COPG2: variants seen among roughly 807,000 people sequenced by gnomAD.
The protein encoded by COPG2 is coatomer subunit gamma-2.
A neutral mutation model predicts 46.3 loss-of-function variants in COPG2; 37 were observed. The ratio of observed to expected loss-of-function variants is 0.80; its 90% CI spans 0.61 to 1.05. The LOEUF is 1.05. COPG2 is among the 50% of genes least tolerant of loss of function. The pLI, the probability that COPG2 is intolerant of heterozygous loss-of-function variation, is 0.00. For missense variants in COPG2, 427 were observed against 387.8 expected, an observed-to-expected ratio of 1.10 and a Z score of -0.85; for synonymous variants, 159 against 129.7, an observed-to-expected ratio of 1.23 and a Z score of -1.53.
chr7:130,555,497 CA>C (rs1793606362), intron 12 of COPG2, among the ~76,000 whole-genome samples: 1 of 152,172 alleles, frequency 6.6e-6, no homozygotes, highest in South Asian at 2.1e-4. Context: ...AACTACTTCA[CA>C]AAATGGTTTC....
At chr7:130,601,364 G>A (rs539816972) in intron 9 of COPG2, among the ~76,000 whole-genome samples, 1 of 152,108 alleles carries the variant, frequency 6.6e-6, no homozygotes, top group Admixed American at 6.6e-5. Flanking sequence ...ACATGCACAC[G>A]TATGTTTATT....
At chr7:130,604,002 A>C (rs1325462151) in intron 9 of COPG2, among the ~76,000 whole-genome samples, 5 of 152,184 alleles carry the variant, frequency 3.3e-5, no homozygotes, top group Admixed American at 2.0e-4. Flanking sequence ...ATATTAAGAA[A>C]ATCATAAGGA....
At chr7:130,525,848 C>G (rs1011453142) in intron 20 of COPG2, among the ~76,000 whole-genome samples, 3 of 151,920 alleles carry the variant, frequency 2.0e-5, no homozygotes, top group Admixed American at 6.6e-5. Flanking sequence ...TAGAGGAAAA[C>G]AGGAGGAAAA....
intron 4 of COPG2, among the ~76,000 whole-genome samples, chr7:130,653,379 G>A (rs782177631): frequency 1.3e-5 from 2 of 152,106 alleles, no homozygotes; most frequent in Admixed American, 6.5e-5. Flanking sequence ...GCAGCCTCCT[G>A]GGTAGCTGGA....
At chr7:130,519,720 G>GA (rs1358525675) in intron 20 of COPG2, among the ~76,000 whole-genome samples, 114 of 152,298 alleles carry the variant, frequency 7.5e-4, no homozygotes, top group African/African-American at 2.6e-3. Flanking sequence ...GCTCATGATA[G>GA]AAAAAAGAAA....
At chr7:130,522,790 A>G (rs1209241645) in intron 20 of COPG2, among the ~76,000 whole-genome samples, 2 of 152,166 alleles carry the variant, frequency 1.3e-5, no homozygotes. Context: ...AAAACGAACA[A>G]ACAAAAACAG....
At chr7:130,510,029 A>C (rs782686478) in intron 20 of COPG2, 2 of 510,452 alleles carry the variant, frequency 3.9e-6, no homozygotes, top group Admixed American at 2.0e-5. Flanking sequence ...TGAGAAGATA[A>C]TTTGTTTAGG....
chr7:130,656,326 C>T (rs1795852589), intron 4 of COPG2, among the ~76,000 whole-genome samples: 1 of 151,800 alleles, frequency 6.6e-6, no homozygotes, highest in East Asian at 1.9e-4. Context: ...AATCCCTAGA[C>T]AAGCTTCCTA....
At chr7:130,548,790 C>T (rs897234728) in intron 18 of COPG2, among the ~76,000 whole-genome samples, 2 of 151,992 alleles carry the variant, frequency 1.3e-5, no homozygotes, top group Non-Finnish European at 2.9e-5. Flanking sequence ...TGGTGGCAGG[C>T]GCCTGTAGTC....
intron 9 of COPG2, chr7:130,607,778 A>T (rs782280187): frequency 1.9e-6 from 1 of 520,156 alleles, no homozygotes; most frequent in Non-Finnish European, 3.8e-6. Flanking sequence ...CTCTGTCCAG[A>T]AATACTGTAG....
rs892460212 is a variant in COPG2 at position 130,536,955 on chromosome 7, C to T, written c.2149+10719G>A. Among the ~76,000 whole-genome samples, 744 of 147,682 alleles carry T rather than the reference C, an allele frequency of 5.0e-3. 3 individuals carry two copies. The highest frequency in any genetic ancestry group is 0.019 in the African/African-American group (715 of 38,504). On this transcript the variant is annotated intron_variant, in intron 20 of 23. Coordinates refer to ENST00000425248, the MANE Select transcript of COPG2 (RefSeq NM_012133.6). ...AAATGGAGACAGTGTGGAAGGAGAG[C>T]GTCTTGAAGACATGGGCCTTAAGGA...
At chr7:130,545,232 A>G (rs1793420955) in intron 20 of COPG2, among the ~76,000 whole-genome samples, 1 of 151,324 alleles carries the variant, frequency 6.6e-6, no homozygotes, top group African/African-American at 2.4e-5. Flanking sequence ...AAGAGATCAA[A>G]TAATTTGTCC....
At chr7:130,640,924 A>C (rs1478911186) in intron 5 of COPG2, among the ~76,000 whole-genome samples, 1 of 152,200 alleles carries the variant, frequency 6.6e-6, no homozygotes, top group Non-Finnish European at 1.5e-5. Context: ...TGATGATACA[A>C]AGTTATATGT....
At chr7:130,515,238 G>A (rs1235991396) in intron 20 of COPG2, among the ~76,000 whole-genome samples, 3 of 152,170 alleles carry the variant, frequency 2.0e-5, no homozygotes, top group Non-Finnish European at 2.9e-5. Context: ...TCCACAGGCT[G>A]TACAGGAAGC....
chr7:130,633,249 G>C (rs1464194104), intron 5 of COPG2, among the ~76,000 whole-genome samples: 1 of 152,058 alleles, frequency 6.6e-6, no homozygotes, highest in Non-Finnish European at 1.5e-5. Flanking sequence ...TAATCCTTTG[G>C]ATATATACCC....
At chr7:130,527,136 C>T (rs904805878) in intron 20 of COPG2, among the ~76,000 whole-genome samples, 7 of 114,518 alleles carry the variant, frequency 6.1e-5, no homozygotes, top group African/African-American at 1.8e-4. Flanking sequence ...ACAGGAAGCC[C>T]CTGGAAGGAC....
chr7:130,654,679 T>C (rs1475723913), intron 4 of COPG2, among the ~76,000 whole-genome samples: 1 of 152,172 alleles, frequency 6.6e-6, no homozygotes, highest in Non-Finnish European at 1.5e-5. Flanking sequence ...TTTTGATAAG[T>C]CAAAAACCCA....
In COPG2 at chr7:130,623,555, C is replaced by T. The variant is rs1795071099; in HGVS notation, c.324-6490G>A. On this transcript the variant is annotated intron_variant, in intron 5 of 23. Coordinates refer to ENST00000425248, the MANE Select transcript of COPG2 (RefSeq NM_012133.6). The stretch of plus-strand genomic sequence containing the variant: ...CTTTTTCAGTGACTTCCCAGCTATT[C>T]TTACATTATATTTTCCACGTGAACT... Among the ~76,000 whole-genome samples the T allele has an allele frequency of 2.0e-5, 3 of 152,290 alleles. No individual in the cohort carries two copies. The South Asian group carries it at 6.2e-4, about 32-fold the overall frequency.
At chr7:130,562,523 T>G (rs1036866471) in intron 11 of COPG2, among the ~76,000 whole-genome samples, 3 of 152,208 alleles carry the variant, frequency 2.0e-5, no homozygotes, top group Non-Finnish European at 4.4e-5. Flanking sequence ...ATTTACATTT[T>G]CTATGCTTAT....
Sources: allele counts gnomAD v4.1 joint callset (sites outside exome capture counted in the v4.1 genomes callset), GRCh38; gene constraint gnomAD v4.1.1; transcripts MANE v1.5; gene names NCBI Gene and HGNC (gene_info 2026-07-23, HGNC 2026-07-21).